Variants in SAV1 observed in about 807,000 individuals in gnomAD.
SAV1 encodes the protein salvador family WW domain containing protein 1, also known as protein salvador homolog 1.
SAV1 carries 23 observed loss-of-function variants against 47.3 expected under a neutral mutation model. The observed-to-expected ratio is 0.49, with a 90% confidence interval of 0.35 to 0.69. The LOEUF (loss-of-function observed/expected upper bound fraction) is 0.69. Ranked by LOEUF, SAV1 falls within the 30% of genes least tolerant of loss-of-function variation. The pLI is 0.01. For synonymous variants in SAV1, 155 were observed against 159.2 expected (o/e 0.97, Z 0.20); for missense variants, 448 against 457.4 (o/e 0.98, Z 0.19).
intron 3 of SAV1, among the ~76,000 whole-genome samples, chr14:50,642,542 T>C (rs2140250208): frequency 6.6e-6 from 1 of 151,924 alleles, no homozygotes; most frequent in South Asian, 2.1e-4. Flanking sequence ...CTATGCTTAT[T>C]ACCCGGGTGA....
At chr14:50,658,445 T>C (rs1427251745) in intron 2 of SAV1, among the ~76,000 whole-genome samples, 1 of 152,132 alleles carries the variant, frequency 6.6e-6, no homozygotes, top group Admixed American at 6.5e-5. Context: ...CCAAGAACAT[T>C]AAAGGTCAAA....
At chr14:50,658,115 AAAAT>A (rs2066201776) in intron 2 of SAV1, among the ~76,000 whole-genome samples, 1 of 152,240 alleles carries the variant, frequency 6.6e-6, no homozygotes, top group Non-Finnish European at 1.5e-5. Flanking sequence ...CTTCCTCTGC[AAAAT>A]AAATACAGAA....
intron 1 of SAV1, among the ~76,000 whole-genome samples, chr14:50,667,054 G>A (rs754882082): frequency 1.3e-5 from 2 of 152,130 alleles, no homozygotes; most frequent in Non-Finnish European, 2.9e-5. Context: ...GGCGCAGTAA[G>A]AGCACCAAAA....
chr14:50,664,554 G>A (rs1000349765), intron 2 of SAV1: 1 of 152,178 alleles, frequency 6.6e-6, no homozygotes, highest in African/African-American at 2.4e-5. Context: ...AGGAGATATG[G>A]AAAGTACCTT....
At chr14:50,660,524 C>CA (rs2039849911) in intron 2 of SAV1, among the ~76,000 whole-genome samples, 1 of 152,216 alleles carries the variant, frequency 6.6e-6, no homozygotes, top group East Asian at 1.9e-4. Flanking sequence ...TTATGGGGTA[C>CA]ATGTGATATT....
At chr14:50,638,995 T>C (rs983866356) in intron 4 of SAV1, among the ~76,000 whole-genome samples, 1 of 152,154 alleles carries the variant, frequency 6.6e-6, no homozygotes, top group African/African-American at 2.4e-5. Context: ...TCTCGATCTC[T>C]CGACCTTGTG....
intron 2 of SAV1, among the ~76,000 whole-genome samples, chr14:50,648,313 C>G (rs1169696831): frequency 6.6e-6 from 1 of 152,148 alleles, no homozygotes; most frequent in Non-Finnish European, 1.5e-5. Context: ...TATAAGAGGA[C>G]AACCTAAGGG....
At chr14:50,664,992 A>G (rs2039888762) in intron 2 of SAV1, 187 bp downstream of exon 2, 1 of 644,760 alleles carries the variant, frequency 1.6e-6, no homozygotes, top group South Asian at 3.4e-5. Flanking sequence ...ATAAATGGTC[A>G]CAAGGACTCT....
intron 2 of SAV1, among the ~76,000 whole-genome samples, chr14:50,648,249 C>G (rs954577005): frequency 2.0e-5 from 3 of 152,142 alleles, no homozygotes; most frequent in Admixed American, 1.3e-4. Flanking sequence ...CACAAAACTA[C>G]TAGGACAGAA....
chr14:50,648,505 T>C (rs1042311094), intron 2 of SAV1, among the ~76,000 whole-genome samples: 13 of 152,228 alleles, frequency 8.5e-5, no homozygotes, highest in Middle Eastern at 3.4e-3. Flanking sequence ...GTTGGCCGGG[T>C]GCGGTGGCTC....
At chr14:50,637,506 G>A (rs2039643392) in intron 4 of SAV1, among the ~76,000 whole-genome samples, 1 of 152,042 alleles carries the variant, frequency 6.6e-6, no homozygotes, top group Admixed American at 6.5e-5. Context: ...CTACAACAAT[G>A]TTAAACTAAT....
At position 50,665,249 on chromosome 14, in the gene SAV1, GTCT is replaced by G. The variant is rs1379412227; in HGVS notation, c.462_464del (p.Glu154del). On this transcript the variant is annotated inframe_deletion, in exon 2 of 5. Transcript: ENST00000324679. ...CATGGTTGTATTCATAATATCTGTA[GTCT>G]TCATGTGCACGATCTCCAAGTGGCC... 2 of 1,613,598 alleles carry G rather than the reference GTCT, an allele frequency of 1.2e-6. No homozygotes were observed. The highest frequency in any genetic ancestry group is 1.7e-6 in the Non-Finnish European group (2 of 1,179,768).
At chr14:50,648,996 C>G (rs1015130064) in intron 2 of SAV1, among the ~76,000 whole-genome samples, 2 of 152,124 alleles carry the variant, frequency 1.3e-5, no homozygotes, top group African/African-American at 4.8e-5. Context: ...TACTGATGAT[C>G]AGACCTCCAT....
intron 2 of SAV1, chr14:50,664,677 T>A (rs2039885992): frequency 6.6e-6 from 1 of 152,284 alleles, no homozygotes. Context: ...ACTCAGGAAA[T>A]AATTCTTGAA....
At chr14:50,656,618 ATT>A (rs1447128235) in intron 2 of SAV1, among the ~76,000 whole-genome samples, 1 of 151,582 alleles carries the variant, frequency 6.6e-6, no homozygotes, top group Non-Finnish European at 1.5e-5. Context: ...AATTTTTTGT[ATT>A]TTTAGTAGAG....
intron 2 of SAV1, among the ~76,000 whole-genome samples, chr14:50,656,039 C>T (rs1436703329): frequency 2.0e-5 from 3 of 152,276 alleles, no homozygotes; most frequent in South Asian, 4.1e-4. Context: ...AAGTGAAACT[C>T]CGTCTCAAAA....
intron 1 of SAV1, 52 bp downstream of exon 1, chr14:50,667,822 G>A: frequency 1.3e-6 from 2 of 1,501,216 alleles, no homozygotes; most frequent in Admixed American, 1.8e-5. Flanking sequence ...CAGGGTCCCC[G>A]GAGCACCTGG....
rs770563825 is a variant in SAV1 at position 50,640,913 on chromosome 14, A to T, written c.807-20T>A. The T allele has an allele frequency of 6.3e-7, 1 of 1,579,810 alleles. No individual in the cohort carries two copies. Among genetic ancestry groups the T allele is most frequent in the Admixed American group, 1.8e-5 (1 of 55,252 alleles). On this transcript the variant is annotated intron_variant, in intron 3 of 4. Transcript: ENST00000324679. ...GGTACACTAAGAAGAAAGGAGTGACATTCTTTAGGATAAAGGTCTTAAAAT... is the reference window on the plus strand; with the variant it reads ...GGTACACTAAGAAGAAAGGAGTGACTTTCTTTAGGATAAAGGTCTTAAAAT...
chr14:50,665,998 TAAGTA>T (rs1379372646), intron 1 of SAV1, among the ~76,000 whole-genome samples: 1 of 152,228 alleles, frequency 6.6e-6, no homozygotes, highest in Non-Finnish European at 1.5e-5. Context: ...AGTTTCTAGT[TAAGTA>T]GTTTATTTTG....
Sources: gnomAD v4.1 joint callset for allele counts (sites outside exome capture counted in the v4.1 genomes callset) on GRCh38, gnomAD v4.1.1 for gene constraint, MANE v1.5 for transcripts, NCBI Gene and HGNC (gene_info 2026-07-23, HGNC 2026-07-21) for gene names.